GTF2H1: variants seen among roughly 807,000 people sequenced by gnomAD.
GTF2H1 encodes the protein general transcription factor IIH subunit 1, also known as BTF2 p62.
In GTF2H1, 16 loss-of-function variants were observed where a neutral mutation model predicts 71.2. That is an observed-to-expected ratio of 0.22 (90% confidence interval 0.15 to 0.34). GTF2H1 has a LOEUF of 0.34. Ranked by LOEUF, GTF2H1 falls within the 10% of genes least tolerant of loss-of-function variation. The probability of loss-of-function intolerance (pLI) is 1.00; values close to 1 mark genes in which losing one functional copy is unlikely to be tolerated. For missense variants in GTF2H1, 498 were observed against 648.2 expected, an observed-to-expected ratio of 0.77 and a Z score of 2.52; for synonymous variants, 215 against 219.0, an observed-to-expected ratio of 0.98 and a Z score of 0.16.
chr11:18,360,760 G>T, intron 14 of GTF2H1, 53 bp downstream of exon 14: 2 of 908,042 alleles, frequency 2.2e-6, no homozygotes. Flanking sequence ...GTAGTAAAAT[G>T]ATGAAATTGA....
chr11:18,363,162 CCTT>C (rs1009529783), intron 14 of GTF2H1, among the ~76,000 whole-genome samples: 2 of 152,146 alleles, frequency 1.3e-5, no homozygotes, highest in Admixed American at 6.6e-5. Flanking sequence ...TGAAACAATA[CCTT>C]CTTCTGGAAT....
At chr11:18,347,027 C>T (rs1450224047) in intron 7 of GTF2H1, 2 of 150,382 alleles carry the variant, frequency 1.3e-5, no homozygotes, top group South Asian at 4.3e-4. Flanking sequence ...GGTATCCTGA[C>T]TCTATTGCTT....
chr11:18,366,899 A>AG lies in GTF2H1; in HGVS notation c.*1030_*1031insG, dbSNP rs1446627337. On this transcript the variant is annotated 3_prime_UTR_variant, in exon 15 of 15. Coordinates refer to ENST00000265963, the MANE Select transcript of GTF2H1 (RefSeq NM_005316.4). ...GTGACTGAAAAGCCTAAGTGCAAAA[A>AG]AAAAAAAAAAAGATGTTCTTGTTTC... 1 of 151,784 alleles carries AG rather than the reference A, an allele frequency of 6.6e-6. No homozygotes were observed. The highest frequency in any genetic ancestry group is 1.5e-5 in the Non-Finnish European group (1 of 67,944). The allele number at this position is 151,784 out of a possible 1,614,324, so 9.4% of individuals were successfully genotyped here.
chr11:18,337,136 C>G (rs952589600), intron 3 of GTF2H1, among the ~76,000 whole-genome samples: 1 of 152,112 alleles, frequency 6.6e-6, no homozygotes, highest in African/African-American at 2.4e-5. Context: ...CATGAAAAAT[C>G]CATTGCTGAA....
intron 14 of GTF2H1, among the ~76,000 whole-genome samples, chr11:18,365,470 T>C (rs1327153027): frequency 3.9e-5 from 6 of 152,202 alleles, no homozygotes; most frequent in Non-Finnish European, 8.8e-5. Flanking sequence ...CAGATATAGT[T>C]CAGACCCCTC....
intron 9 of GTF2H1, among the ~76,000 whole-genome samples, chr11:18,351,241 T>G (rs1376567314): frequency 6.8e-6 from 1 of 147,450 alleles, no homozygotes; most frequent in Non-Finnish European, 1.5e-5. Flanking sequence ...AAAAAAATTT[T>G]TTAAGCCACA....
chr11:18,342,473 G>A (rs1413935322), intron 7 of GTF2H1, among the ~76,000 whole-genome samples: 1 of 151,968 alleles, frequency 6.6e-6, no homozygotes, highest in African/African-American at 2.4e-5. Context: ...CGTTGGCCAG[G>A]CTGGTCTCAA....
At position 18,365,812 on chromosome 11, in the gene GTF2H1, G is replaced by C. The variant is rs1263463857; in HGVS notation, c.1590G>C (p.Gln530His). Reference sequence around the variant, plus strand: ...TAAGTCACATAGAAGAGATGCTCCAGACAGCCTACAACAAGCTCCACACAT... The same window carrying C: ...TAAGTCACATAGAAGAGATGCTCCACACAGCCTACAACAAGCTCCACACAT... Reference protein sequence around the residue: ...NLVSHIEEMLQTAYNKLHTWQ... With the variant: ...NLVSHIEEMLHTAYNKLHTWQ... Residue 530 changes from glutamine to histidine, a missense_variant, in exon 15 of 15, where the codon CAG becomes CAC. Gln to His is a conservative substitution (Grantham distance 24). Transcript: ENST00000265963. The C allele has an allele frequency of 6.2e-7, 1 of 1,613,678 alleles. No homozygotes were observed. Among genetic ancestry groups the C allele is most frequent in the Non-Finnish European group, 8.5e-7 (1 of 1,179,756 alleles).
At chr11:18,338,515 C>T (rs1865085284) in intron 4 of GTF2H1, among the ~76,000 whole-genome samples, 1 of 152,186 alleles carries the variant, frequency 6.6e-6, no homozygotes, top group South Asian at 2.1e-4. Flanking sequence ...ACAGTGATAG[C>T]TCCCTGCAGC....
At chr11:18,336,654 C>G (rs1865035265) in intron 3 of GTF2H1, among the ~76,000 whole-genome samples, 1 of 152,098 alleles carries the variant, frequency 6.6e-6, no homozygotes, top group African/African-American at 2.4e-5. Flanking sequence ...TTTCCCAGTT[C>G]TCTGTCACAG....
intron 14 of GTF2H1, 100 bp downstream of exon 14, chr11:18,360,807 C>CTTTT: frequency 3.1e-5 from 16 of 513,700 alleles, no homozygotes; most frequent in Admixed American, 4.2e-5. Context: ...ACTTAATTTT[C>CTTTT]TTTTTTTTTT....
rs570369832 is a variant in GTF2H1 at position 18,365,926 on chromosome 11, C to T, written c.*57C>T. On this transcript the variant is annotated 3_prime_UTR_variant, in exon 15 of 15. Coordinates refer to ENST00000265963, the MANE Select transcript of GTF2H1 (RefSeq NM_005316.4). ...TTGAGAGAACTATGACCTGCAGCAA[C>T]TCTGGAAACCTGGCCTGACAGACAA... 1.0e-5 allele frequency: 12 copies of T among 1,184,986 alleles called. No individual in the cohort carries two copies. The highest frequency in any genetic ancestry group is 2.2e-4 in the Middle Eastern group (1 of 4,520). The allele number at this position is 1,184,986 out of a possible 1,614,324, so 73.4% of individuals were successfully genotyped here.
At chr11:18,344,601 A>T (rs918531665) in intron 7 of GTF2H1, among the ~76,000 whole-genome samples, 1 of 142,074 alleles carries the variant, frequency 7.0e-6, no homozygotes, top group Non-Finnish European at 1.5e-5. Flanking sequence ...CCTGAGTGAC[A>T]GAGTGAGACT....
At chr11:18,350,927 TAA>T (rs1865406449) in intron 9 of GTF2H1, among the ~76,000 whole-genome samples, 1 of 152,188 alleles carries the variant, frequency 6.6e-6, no homozygotes, top group South Asian at 2.1e-4. Context: ...ATAAAATTAC[TAA>T]AAGAGTCCAG....
At chr11:18,364,979 C>T (rs1865784405) in intron 14 of GTF2H1, among the ~76,000 whole-genome samples, 2 of 151,220 alleles carry the variant, frequency 1.3e-5, no homozygotes, top group African/African-American at 4.9e-5. Flanking sequence ...CCTGTAATCC[C>T]AGCACTTTGA....
chr11:18,352,136 A>G (rs1865442510), intron 10 of GTF2H1, 167 bp downstream of exon 10: 4 of 624,328 alleles, frequency 6.4e-6, no homozygotes, highest in Non-Finnish European at 1.2e-5. Context: ...CAAACCCATG[A>G]CAATAAATGT....
intron 9 of GTF2H1, among the ~76,000 whole-genome samples, chr11:18,349,659 G>C (rs983936223): frequency 6.6e-6 from 1 of 152,106 alleles, no homozygotes; most frequent in Non-Finnish European, 1.5e-5. Flanking sequence ...CTCCAGCCTG[G>C]ATGACAGAGC....
rs1216453358 is a variant in GTF2H1 at position 18,364,483 on chromosome 11, A to G, written c.1561-1300A>G. ...GTAGTCCCAGCTACTCAAGAGACTG[A>G]GGCAGGAGGATCACTTGAAATCAGG... is the stretch of plus-strand genomic sequence containing the variant. On this transcript the variant is annotated intron_variant, in intron 14 of 14. Transcript: ENST00000265963. 3.3e-5 allele frequency among the ~76,000 whole-genome samples: 5 copies of G among 152,348 alleles called. No individual in the cohort carries two copies. In the East Asian group the frequency reaches 5.8e-4, roughly 18 times the overall value.
chr11:18,359,784 C>G (rs966109004), intron 13 of GTF2H1, among the ~76,000 whole-genome samples: 3 of 151,864 alleles, frequency 2.0e-5, no homozygotes, highest in Non-Finnish European at 4.4e-5. Flanking sequence ...GATCTCTGCT[C>G]ACTGCAGCCG....
Sources: gnomAD v4.1 joint callset for allele counts (sites outside exome capture counted in the v4.1 genomes callset) on GRCh38, gnomAD v4.1.1 for gene constraint, MANE v1.5 for transcripts, NCBI Gene and HGNC (gene_info 2026-07-23, HGNC 2026-07-21) for gene names.